Variants in PCDHGA1 observed in about 807,000 individuals in gnomAD.
PCDHGA1 encodes the protein protocadherin gamma subfamily A, 1.
A neutral mutation model predicts 58.0 loss-of-function variants in PCDHGA1; 32 were observed. The ratio of observed to expected loss-of-function variants is 0.55; its 90% confidence interval spans 0.42 to 0.74. The LOEUF (loss-of-function observed/expected upper bound fraction) is 0.74. Among genes scored for constraint, PCDHGA1 ranks in the 30% least tolerant of loss-of-function variants. PCDHGA1 has a pLI of 0.00. For synonymous variants in PCDHGA1, 498 were observed against 501.1 expected, an observed-to-expected ratio of 0.99 and a Z score of 0.08; for missense variants, 1,205 against 1,182.3, an observed-to-expected ratio of 1.02 and a Z score of -0.28.
chr5:141,503,343 T>C (rs558650835), intron 2 of PCDHGA1, among the ~76,000 whole-genome samples: 87 of 152,106 alleles, frequency 5.7e-4, no homozygotes, highest in South Asian at 1.2e-3. Flanking sequence ...ACGCCTGTAA[T>C]TCCAGCACTT....
chr5:141,358,600 A>T (rs1210662603), intron 1 of PCDHGA1, among the ~76,000 whole-genome samples: 1 of 152,208 alleles, frequency 6.6e-6, no homozygotes. Context: ...CACTCCTGTG[A>T]TTATGAGAAA....
At chr5:141,384,183 A>G (rs1779806989) in intron 1 of PCDHGA1, 11 of 1,613,812 alleles carry the variant, frequency 6.8e-6, no homozygotes, top group Non-Finnish European at 9.3e-6. Context: ...CAGATGGTGG[A>G]ACTCCTCCCT....
chr5:141,388,334 A>G (rs2091318945), intron 1 of PCDHGA1: 2 of 1,613,972 alleles, frequency 1.2e-6, no homozygotes, highest in South Asian at 1.1e-5. Flanking sequence ...AGCCTGGCAC[A>G]CGATTTATAT....
intron 1 of PCDHGA1, chr5:141,333,876 T>C (rs1397947209): frequency 6.6e-6 from 1 of 152,160 alleles, no homozygotes; most frequent in Non-Finnish European, 1.5e-5. Flanking sequence ...ATTTAAGTAA[T>C]GTATGAAGTA....
chr5:141,400,048 G>A (rs760963865), intron 1 of PCDHGA1: 3 of 1,613,664 alleles, frequency 1.9e-6, no homozygotes, highest in Non-Finnish European at 2.5e-6. Context: ...CCTGCTGGTT[G>A]CTGTGCGTGA....
intron 1 of PCDHGA1, chr5:141,395,116 T>C (rs1255512461): frequency 1.9e-6 from 3 of 1,614,216 alleles, no homozygotes; most frequent in Admixed American, 3.3e-5. Context: ...AAGAGTCACC[T>C]GATCTTTCCC....
intron 2 of PCDHGA1, among the ~76,000 whole-genome samples, chr5:141,503,295 T>C (rs567706089): frequency 6.6e-6 from 1 of 152,070 alleles, no homozygotes; most frequent in Non-Finnish European, 1.5e-5. Context: ...TACATAGAAA[T>C]TGCTCAAGAA....
Position 141,430,721 on chromosome 5 carries a change from T to C in PCDHGA1, c.2422-64086T>C, listed in dbSNP as rs2097305223. The C allele has an allele frequency of 3.4e-6, 5 of 1,489,270 alleles. No homozygotes were observed. The South Asian group carries it at 7.3e-5, about 22-fold the overall frequency. 92.3% of individuals were successfully genotyped at this position (1,489,270 alleles called of 1,614,324 possible). A position where few individuals can be genotyped will look rare whatever the true frequency, so the allele number is the denominator to read the frequency against. On this transcript the variant is annotated intron_variant, in intron 1 of 3. Coordinates refer to ENST00000517417, the MANE Select transcript of PCDHGA1 (RefSeq NM_018912.3). ...AGGAACTGCTCCTGACTTCAGTGGT[T>C]AAGGGCAGAATTGAAAATAATTCTG...
chr5:141,506,246 C>T (rs1049014492), intron 3 of PCDHGA1, among the ~76,000 whole-genome samples: 3 of 151,958 alleles, frequency 2.0e-5, no homozygotes, highest in South Asian at 4.2e-4. Context: ...GTCAGGAGTT[C>T]GAAACCGGCC....
At chr5:141,355,917 T>C (rs538796381) in intron 1 of PCDHGA1, 1 of 1,613,796 alleles carries the variant, frequency 6.2e-7, no homozygotes, top group East Asian at 2.2e-5. Context: ...ACGATAATGC[T>C]CCCGTGTTCA....
chr5:141,430,970 A>G (rs1026736997), intron 1 of PCDHGA1: 3 of 1,613,068 alleles, frequency 1.9e-6, no homozygotes, highest in Non-Finnish European at 2.5e-6. Context: ...CCCCAGAGGT[A>G]GGACGCAGCT....
chr5:141,408,475 C>A, intron 1 of PCDHGA1: 3 of 1,614,032 alleles, frequency 1.9e-6, no homozygotes, highest in Non-Finnish European at 1.7e-6. Flanking sequence ...ACCGAATAGA[C>A]CGTGAGCAAA....
chr5:141,360,494 C>A (rs769927521), intron 1 of PCDHGA1: 3 of 1,613,924 alleles, frequency 1.9e-6, no homozygotes, highest in Admixed American at 1.7e-5. Context: ...TTCTACATAG[C>A]AGTAATTGTG....
At chr5:141,420,392 G>A (rs1480059498) in intron 1 of PCDHGA1, 2 of 1,268,940 alleles carry the variant, frequency 1.6e-6, no homozygotes, top group East Asian at 5.5e-5. Context: ...CAAAATATAG[G>A]TCAAATTTAT....
intron 1 of PCDHGA1, chr5:141,405,058 T>C (rs1174407561): frequency 1.2e-6 from 2 of 1,613,912 alleles, no homozygotes; most frequent in East Asian, 2.2e-5. Flanking sequence ...TCGTCTCCTG[T>C]GTCTTCCTCA....
At chr5:141,361,727 C>G in intron 1 of PCDHGA1, 13 of 1,613,274 alleles carry the variant, frequency 8.1e-6, no homozygotes, top group Non-Finnish European at 1.1e-5. Flanking sequence ...TTCGAGCTCA[C>G]ACTGCAGGCC....
chr5:141,338,535 A>T (rs769747197), intron 1 of PCDHGA1, among the ~76,000 whole-genome samples: 48 of 152,346 alleles, frequency 3.2e-4, no homozygotes, highest in Middle Eastern at 3.4e-3. Context: ...TATCAAGATC[A>T]TGTTCATTTA....
chr5:141,486,578 C>A lies in PCDHGA1; in HGVS notation c.2422-8229C>A, dbSNP rs780578882. 5 of 1,613,610 alleles carry A rather than the reference C, an allele frequency of 3.1e-6. No homozygotes were observed. In the Admixed American group the frequency reaches 6.7e-5, roughly 22 times the overall value. On this transcript the variant is annotated intron_variant, in intron 1 of 3. Coordinates refer to ENST00000517417, the MANE Select transcript of PCDHGA1 (RefSeq NM_018912.3). The surrounding 1 kb of genome is among the most constrained non-coding windows in gnomAD (Gnocchi z 5.0). Reference sequence around the variant, plus strand: ...TGAGGTGTTTGTTCCTGAGAACAATCGCCCAGGGGACCTGCTTTGCTCCCT... The same window carrying A: ...TGAGGTGTTTGTTCCTGAGAACAATAGCCCAGGGGACCTGCTTTGCTCCCT...
At chr5:141,455,128 T>C (rs2098813900) in intron 1 of PCDHGA1, among the ~76,000 whole-genome samples, 2 of 151,962 alleles carry the variant, frequency 1.3e-5, no homozygotes, top group Admixed American at 6.6e-5. Context: ...ATGTTTTAAA[T>C]TACACTGTGT....
Sources: gnomAD v4.1 joint callset for allele counts (sites outside exome capture counted in the v4.1 genomes callset) on GRCh38, gnomAD v4.1.1 for gene constraint, Gnocchi (gnomAD v3.1) non-coding constraint, MANE v1.5 for transcripts, NCBI Gene and HGNC (gene_info 2026-07-23, HGNC 2026-07-21) for gene names.